The following PDE8A variants were observed in gnomAD, a reference collection of about 807,000 sequenced individuals.
PDE8A encodes high affinity cAMP-specific and IBMX-insensitive 3',5'-cyclic phosphodiesterase 8A.
Under a neutral mutation model 105.0 loss-of-function variants are expected in PDE8A, and 59 were observed. That is an observed-to-expected ratio of 0.56 (90% CI 0.46 to 0.70). The LOEUF is 0.70. Ranked by LOEUF, PDE8A falls within the 30% of genes least tolerant of loss-of-function variation. The pLI is 0.00. For missense variants in PDE8A, 1,014 were observed against 1,045.9 expected, an observed-to-expected ratio of 0.97 and a Z score of 0.42; for synonymous variants, 355 against 371.9, an observed-to-expected ratio of 0.95 and a Z score of 0.52.
chr15:85,123,896 A>G (rs2082220792), intron 19 of PDE8A, among the ~76,000 whole-genome samples: 1 of 152,220 alleles, frequency 6.6e-6, no homozygotes, highest in Non-Finnish European at 1.5e-5. Flanking sequence ...TAGATAAGCT[A>G]ACTTTAGACA....
At chr15:84,994,815 T>C (rs2079948569) in intron 1 of PDE8A, among the ~76,000 whole-genome samples, 1 of 152,010 alleles carries the variant, frequency 6.6e-6, no homozygotes, top group South Asian at 2.1e-4. Flanking sequence ...ATACAAAAAA[T>C]TAGCTGGGCA....
chr15:85,070,475 A>G (rs1229099121), intron 3 of PDE8A, among the ~76,000 whole-genome samples: 5 of 152,308 alleles, frequency 3.3e-5, no homozygotes, highest in Middle Eastern at 6.8e-3. Context: ...TGCCCGCAGA[A>G]GAGGTTTACG....
intron 20 of PDE8A, among the ~76,000 whole-genome samples, chr15:85,131,665 C>CT (rs1381079259): frequency 6.6e-6 from 1 of 152,108 alleles, no homozygotes; most frequent in Non-Finnish European, 1.5e-5. Flanking sequence ...AATAATGCTG[C>CT]TTTTTATATT....
chr15:85,099,851 C>G (rs535558900), intron 9 of PDE8A, 164 bp from the exon 10 acceptor site: 6 of 628,582 alleles, frequency 9.5e-6, no homozygotes, highest in Non-Finnish European at 1.1e-5. Context: ...TGTTTGTGAT[C>G]TCTTCTTTAT....
chr15:85,097,458 C>T (rs1399286870), intron 8 of PDE8A, among the ~76,000 whole-genome samples: 1 of 152,194 alleles, frequency 6.6e-6, no homozygotes, highest in Non-Finnish European at 1.5e-5. Context: ...TCATCCTCCA[C>T]ACCCTATATA....
chr15:85,119,208 G>T (rs2082141609), intron 17 of PDE8A, among the ~76,000 whole-genome samples: 1 of 151,912 alleles, frequency 6.6e-6, no homozygotes, highest in Non-Finnish European at 1.5e-5. Flanking sequence ...AAATGTCATG[G>T]TGGCTCACAC....
At chr15:85,130,383 T>C (rs538177104) in intron 20 of PDE8A, among the ~76,000 whole-genome samples, 9 of 152,300 alleles carry the variant, frequency 5.9e-5, no homozygotes, top group African/African-American at 2.2e-4. Flanking sequence ...AGTTTCCCGG[T>C]TTTCCTTCCA....
Position 84,982,151 on chromosome 15 carries a change from G to A in PDE8A, c.-12G>A. 5.2e-6 allele frequency: 7 copies of A among 1,335,078 alleles called. No individual in the cohort carries two copies. The highest frequency in any genetic ancestry group is 1.9e-5 in the South Asian group (1 of 51,454). 82.7% of individuals were successfully genotyped at this position (1,335,078 alleles called of 1,614,324 possible). A position where few individuals can be genotyped will look rare whatever the true frequency, so the allele number is the denominator to read the frequency against. Reference sequence around the variant, plus strand: ...GGCTACCCGCCAGCGTGTCCGCGGCGCCGCCGCCAGCATGGGCTGTGCCCC... The same window carrying A: ...GGCTACCCGCCAGCGTGTCCGCGGCACCGCCGCCAGCATGGGCTGTGCCCC... On this transcript the variant is annotated 5_prime_UTR_variant, in exon 1 of 22. Transcript: ENST00000394553.
intron 1 of PDE8A, among the ~76,000 whole-genome samples, chr15:84,987,465 C>CTTTTT (rs10656480): frequency 7.6e-4 from 70 of 92,414 alleles, no homozygotes; most frequent in African/African-American, 1.9e-3. Flanking sequence ...GGATTGGTTC[C>CTTTTT]TTTTTTTTTT....
chr15:85,015,104 A>G (rs1368435842), intron 1 of PDE8A, among the ~76,000 whole-genome samples: 1 of 152,294 alleles, frequency 6.6e-6, no homozygotes, highest in East Asian at 1.9e-4. Flanking sequence ...AATAGTTTGA[A>G]TCAGTTCCTC....
chr15:85,072,916 C>T (rs2081332678), intron 3 of PDE8A, among the ~76,000 whole-genome samples: 1 of 152,080 alleles, frequency 6.6e-6, no homozygotes, highest in African/African-American at 2.4e-5. Flanking sequence ...AGTTCGAGAC[C>T]AGCTTGAGCC....
At chr15:85,101,192 G>T (rs1240405099) in intron 11 of PDE8A, among the ~76,000 whole-genome samples, 2 of 152,196 alleles carry the variant, frequency 1.3e-5, no homozygotes, top group African/African-American at 4.8e-5. Flanking sequence ...CTGAATCCAG[G>T]AGGACTGACA....
chr15:85,131,174 G>A (rs774193205), intron 20 of PDE8A, among the ~76,000 whole-genome samples: 30 of 152,128 alleles, frequency 2.0e-4, no homozygotes, highest in Admixed American at 1.6e-3. Flanking sequence ...ACATATGTAT[G>A]TCTTGAGAGC....
chr15:85,020,353 C>G (rs1025483291), intron 1 of PDE8A, among the ~76,000 whole-genome samples: 1 of 152,186 alleles, frequency 6.6e-6, no homozygotes. Flanking sequence ...CCTGTAATCC[C>G]AGCACTTTGG....
chr15:85,030,730 C>T, intron 1 of PDE8A, among the ~76,000 whole-genome samples: 1 of 152,252 alleles, frequency 6.6e-6, no homozygotes, highest in East Asian at 1.9e-4. Flanking sequence ...TTTTCTCTTT[C>T]TAGAATGTTC....
At chr15:85,109,309 C>G (rs1169480782) in intron 12 of PDE8A, among the ~76,000 whole-genome samples, 179 bp downstream of exon 12, 3 of 152,208 alleles carry the variant, frequency 2.0e-5, no homozygotes, top group African/African-American at 7.2e-5. Flanking sequence ...GGGCTCCATT[C>G]TGAGCCTTTT....
intron 21 of PDE8A, among the ~76,000 whole-genome samples, chr15:85,137,167 G>C (rs2082424252): frequency 1.3e-5 from 2 of 152,176 alleles, no homozygotes; most frequent in South Asian, 4.1e-4. Flanking sequence ...CCTTGAAGGA[G>C]GGGCTACAGG....
In PDE8A at chr15:85,072,428, G is replaced by A. The variant is rs149302489; in HGVS notation, c.435-3434G>A. Among the ~76,000 whole-genome samples, 144 of 152,290 alleles carry A rather than the reference G, an allele frequency of 9.5e-4. 1 individual carries two copies. Among genetic ancestry groups the A allele is most frequent in the African/African-American group, 3.3e-3 (139 of 41,564 alleles). ...TTCCTAATAACAGAATCTCTGATGT[G>A]TAGCTGGGCATATGGCTACCTAGAA... On this transcript the variant is annotated intron_variant, in intron 3 of 21. Transcript: ENST00000394553.
intron 1 of PDE8A, among the ~76,000 whole-genome samples, chr15:85,043,704 GTTTGT>G (rs2080846086): frequency 9.3e-6 from 1 of 107,180 alleles, no homozygotes; most frequent in African/African-American, 3.4e-5. Context: ...TTGTTTGTTT[GTTTGT>G]TTTTTTGAGG....
Sources: gnomAD v4.1 joint callset for allele counts (sites outside exome capture counted in the v4.1 genomes callset) on GRCh38, gnomAD v4.1.1 for gene constraint, MANE v1.5 for transcripts, NCBI Gene and HGNC (gene_info 2026-07-23, HGNC 2026-07-21) for gene names.